PIBF1: variants seen among roughly 807,000 people sequenced by gnomAD.
PIBF1 encodes progesterone immunomodulatory binding factor 1, also known as progesterone-induced-blocking factor 1.
PIBF1 carries 90 observed loss-of-function variants against 112.5 expected under a neutral mutation model. The ratio of observed to expected loss-of-function variants is 0.80; its 90% confidence interval spans 0.67 to 0.95. PIBF1 has a LOEUF of 0.95. PIBF1 is among the 40% of genes least tolerant of loss of function. The probability of loss-of-function intolerance (pLI) is 0.00; values close to 1 mark genes in which losing one functional copy is unlikely to be tolerated. For missense variants in PIBF1, 915 were observed against 852.3 expected (o/e 1.07, Z -0.92); for synonymous variants, 301 against 288.6 (o/e 1.04, Z -0.44).
At chr13:72,930,485 G>A (rs553162782) in intron 13 of PIBF1, among the ~76,000 whole-genome samples, 2 of 152,110 alleles carry the variant, frequency 1.3e-5, no homozygotes, top group African/African-American at 4.8e-5. Flanking sequence ...ATAGTTAGAA[G>A]GAATAGATTT....
intron 12 of PIBF1, among the ~76,000 whole-genome samples, chr13:72,915,420 C>T (rs932880092): frequency 6.6e-6 from 1 of 152,172 alleles, no homozygotes; most frequent in Non-Finnish European, 1.5e-5. Context: ...TTGTATAATA[C>T]ATTGTTTCTG....
At chr13:72,925,784 T>C (rs189605161) in intron 13 of PIBF1, among the ~76,000 whole-genome samples, 58 of 152,024 alleles carry the variant, frequency 3.8e-4, no homozygotes, top group South Asian at 4.2e-4. Flanking sequence ...TCAAGTGATC[T>C]GCCCACCTCA....
chr13:72,971,382 G>A (rs2042887535), intron 15 of PIBF1, among the ~76,000 whole-genome samples: 2 of 152,266 alleles, frequency 1.3e-5, no homozygotes, highest in East Asian at 1.9e-4. Flanking sequence ...CAGCTAAAGA[G>A]GTGGTTAGAA....
intron 13 of PIBF1, among the ~76,000 whole-genome samples, chr13:72,930,149 C>T (rs748022090): frequency 2.0e-5 from 3 of 152,148 alleles, no homozygotes; most frequent in African/African-American, 4.8e-5. Flanking sequence ...CATGAGCCAC[C>T]GCGCCTGGCC....
chr13:72,827,906 A>T lies in PIBF1; in HGVS notation c.1089A>T (p.Val363=), dbSNP rs528607765. The T allele has an allele frequency of 1.9e-6, 3 of 1,566,742 alleles. No individual in the cohort carries two copies. In the South Asian group the frequency reaches 3.7e-5, roughly 19 times the overall value. ...GAGAAGAGATGTATGAAAAATATGT[A>T]GCATCCAGGCAAGATTTGCATTATT... ...KAREEMYEKY[V]ASRDHYKTEY... Residue 363 remains valine (V), a synonymous_variant, in exon 8 of 18, where the codon GTA becomes GTT. Transcript: ENST00000326291.
At chr13:72,993,314 G>A (rs1039242592) in intron 16 of PIBF1, among the ~76,000 whole-genome samples, 3 of 151,988 alleles carry the variant, frequency 2.0e-5, no homozygotes, top group African/African-American at 7.3e-5. Flanking sequence ...GACAGAGCAA[G>A]ACCTGTCTCC....
rs1262536163 is a variant in PIBF1 at position 73,016,395 on chromosome 13, T to C, written c.*476T>C. 8 of 152,210 alleles carry C rather than the reference T, an allele frequency of 5.3e-5. No homozygotes were observed. Among genetic ancestry groups the C allele is most frequent in the Non-Finnish European group, 1.5e-5 (1 of 68,038 alleles). 9.4% of individuals were successfully genotyped at this position (152,210 alleles called of 1,614,324 possible). ...CTCTTTTGAAGTTGTTTTTTTCTTA[T>C]ATTTTATATTACCATTAACCAATAA... On this transcript the variant is annotated 3_prime_UTR_variant, in exon 18 of 18. Transcript: ENST00000326291.
At chr13:72,841,767 G>A (rs1472136327) in intron 9 of PIBF1, among the ~76,000 whole-genome samples, 1 of 152,104 alleles carries the variant, frequency 6.6e-6, no homozygotes, top group Non-Finnish European at 1.5e-5. Context: ...GTGAGACCCT[G>A]TCTCAAAAAA....
At chr13:72,849,508 G>T (rs956987304) in intron 9 of PIBF1, among the ~76,000 whole-genome samples, 1 of 152,122 alleles carries the variant, frequency 6.6e-6, no homozygotes, top group Non-Finnish European at 1.5e-5. Context: ...GAAAGTTATT[G>T]TCTTATCTGT....
chr13:72,970,027 A>G (rs1306119333), intron 15 of PIBF1, among the ~76,000 whole-genome samples: 1 of 152,194 alleles, frequency 6.6e-6, no homozygotes, highest in Non-Finnish European at 1.5e-5. Flanking sequence ...ACATCAATTG[A>G]TGATTTTTAA....
At chr13:72,844,390 G>T (rs916857221) in intron 9 of PIBF1, among the ~76,000 whole-genome samples, 9 of 152,192 alleles carry the variant, frequency 5.9e-5, no homozygotes, top group African/African-American at 2.2e-4. Context: ...TGCAGAACGT[G>T]CAGGTTTGTT....
intron 14 of PIBF1, among the ~76,000 whole-genome samples, chr13:72,931,742 A>ATG (rs1555317868): frequency 1.4e-5 from 2 of 142,064 alleles, no homozygotes; most frequent in Non-Finnish European, 3.1e-5. Flanking sequence ...ATATATATAT[A>ATG]TGTATGCATT....
At chr13:73,014,034 C>T (rs1292536237) in intron 17 of PIBF1, among the ~76,000 whole-genome samples, 1 of 151,678 alleles carries the variant, frequency 6.6e-6, no homozygotes, top group Non-Finnish European at 1.5e-5. Context: ...TGAATCCCTT[C>T]CCTTCCCTTC....
At chr13:72,939,818 G>C (rs2041965669) in intron 14 of PIBF1, among the ~76,000 whole-genome samples, 1 of 152,046 alleles carries the variant, frequency 6.6e-6, no homozygotes, top group African/African-American at 2.4e-5. Context: ...ATTTGAGGTT[G>C]ACTTTTCTCT....
chr13:72,992,311 CAG>C (rs946666550), intron 16 of PIBF1, among the ~76,000 whole-genome samples: 1 of 152,144 alleles, frequency 6.6e-6, no homozygotes, highest in Non-Finnish European at 1.5e-5. Flanking sequence ...AAATTTAAAA[CAG>C]AATTTAAAAA....
At chr13:72,952,981 C>T (rs1477202471) in intron 14 of PIBF1, among the ~76,000 whole-genome samples, 1 of 152,004 alleles carries the variant, frequency 6.6e-6, no homozygotes, top group African/African-American at 2.4e-5. Context: ...AAACCAGCTT[C>T]TACTAAAGCA....
chr13:72,795,785 A>G (rs1469551788), intron 4 of PIBF1, among the ~76,000 whole-genome samples: 1 of 152,186 alleles, frequency 6.6e-6, no homozygotes, highest in South Asian at 2.1e-4. Flanking sequence ...ATAGAAATGA[A>G]TTATCGTAAA....
In PIBF1 at chr13:72,998,282, A is replaced by G. The variant is rs182547703; in HGVS notation, c.2050-540A>G. Reference sequence around the variant, plus strand: ...CAGTGGTTCCCAAATTTGTCTGTCTATTAGAATCACTTGAGATCTTCAAAA... The same window carrying G: ...CAGTGGTTCCCAAATTTGTCTGTCTGTTAGAATCACTTGAGATCTTCAAAA... On this transcript the variant is annotated intron_variant, in intron 16 of 17. Coordinates refer to ENST00000326291, the MANE Select transcript of PIBF1 (RefSeq NM_006346.4). Among the ~76,000 whole-genome samples the G allele has an allele frequency of 1.1e-3, 170 of 152,290 alleles. 1 individual carries two copies. Among genetic ancestry groups the G allele is most frequent in the Non-Finnish European group, 1.1e-3 (78 of 68,014 alleles).
intron 10 of PIBF1, among the ~76,000 whole-genome samples, chr13:72,876,548 C>A (rs957348565): frequency 2.0e-5 from 3 of 152,064 alleles, no homozygotes; most frequent in African/African-American, 7.2e-5. Flanking sequence ...CACAATATTG[C>A]GTCTTCTTAC....
Sources: allele counts gnomAD v4.1 joint callset (sites outside exome capture counted in the v4.1 genomes callset), GRCh38; gene constraint gnomAD v4.1.1; transcripts MANE v1.5; gene names NCBI Gene and HGNC (gene_info 2026-07-23, HGNC 2026-07-21).